DGKZ: variants seen among roughly 807,000 people sequenced by gnomAD.
DGKZ encodes DAG kinase zeta.
Under a neutral mutation model 142.5 loss-of-function variants are expected in DGKZ, and 45 were observed. That is an observed-to-expected ratio of 0.32 (90% CI 0.25 to 0.40). The LOEUF is 0.40. Ranked by LOEUF, DGKZ falls within the 10% of genes least tolerant of loss-of-function variation. The pLI, the probability that DGKZ is intolerant of heterozygous loss-of-function variation, is 1.00. For synonymous variants in DGKZ, 442 were observed against 527.0 expected (o/e 0.84, Z 2.21); for missense variants, 755 against 1,306.5 (o/e 0.58, Z 6.51).
At chr11:46,369,123 C>G (rs1943655591) in intron 4 of DGKZ, 2 of 317,862 alleles carry the variant, frequency 6.3e-6, no homozygotes, top group South Asian at 5.3e-5. Context: ...TTGCAGTGAG[C>G]CGAGATCGCA....
At chr11:46,345,383 G>A (rs902597406), upstream of DGKZ, 22 of 1,405,532 alleles carry the variant, frequency 1.6e-5, no homozygotes, top group South Asian at 7.8e-5. This position sits in a 1 kb window ranked among gnomAD's most constrained non-coding sequence, Gnocchi z 4.1. Flanking sequence ...AGGAAGTGCC[G>A]AAAGAGGAAG....
chr11:46,348,589 C>T (rs1940965651), intron 1 of DGKZ, among the ~76,000 whole-genome samples: 2 of 152,158 alleles, frequency 1.3e-5, no homozygotes, highest in Admixed American at 6.5e-5. Flanking sequence ...TTGCCCCCTC[C>T]CCCAGCACTC....
intron 1 of DGKZ, chr11:46,366,696 G>T: frequency 6.4e-7 from 1 of 1,566,214 alleles, no homozygotes; most frequent in East Asian, 2.4e-5. Context: ...CCCCCACCTC[G>T]GGGCGCCCAG....
rs774486482 is a variant in DGKZ at position 46,378,612 on chromosome 11, C to T, written c.2418+112C>T. On this transcript the variant is annotated intron_variant, in intron 27 of 30. Coordinates refer to ENST00000527911, the Ensembl canonical transcript of DGKZ. ...CTGCTCAGGTGCTGTCATCTGTCAT[C>T]GTCTGGCCCTCTGTGGGATCTCCAG... The T allele has an allele frequency of 3.9e-5, 55 of 1,409,320 alleles. No homozygotes were observed. In the South Asian group the frequency reaches 5.6e-4, roughly 14 times the overall value. 87.3% of individuals were successfully genotyped at this position (1,409,320 alleles called of 1,614,324 possible). A position where few individuals can be genotyped will look rare whatever the true frequency, so the allele number is the denominator to read the frequency against.
chr11:46,363,455 G>A (rs1257753111), intron 1 of DGKZ, among the ~76,000 whole-genome samples: 1 of 152,230 alleles, frequency 6.6e-6, no homozygotes, highest in Non-Finnish European at 1.5e-5. Flanking sequence ...ACCCCACTCT[G>A]CTGGGAGGGG....
intron 19 of DGKZ, 68 bp from the exon 20 acceptor site, chr11:46,375,364 G>T: frequency 6.8e-7 from 1 of 1,474,970 alleles, no homozygotes; most frequent in South Asian, 1.3e-5. Context: ...GCTTCGGAAG[G>T]AGCAGAGTCT....
rs147914091 is a variant in DGKZ, at chr11:46,372,840, C to T, written c.1141C>T (p.Leu381=). Residue 381 remains leucine (L), a synonymous_variant, in exon 13 of 31, where the codon CTG becomes TTG. Transcript: ENST00000527911. The surrounding 1 kb of genome is among the most constrained non-coding windows in gnomAD (Gnocchi z 5.9). ...GCCACCCCCTGTTGCCATCCTGCCCCTGGGTACTGGCAACGACTTGGCCCG... is the reference window on the plus strand; with the variant it reads ...GCCACCCCCTGTTGCCATCCTGCCCTTGGGTACTGGCAACGACTTGGCCCG... The T allele has an allele frequency of 9.0e-5, 144 of 1,600,346 alleles. No individual in the cohort carries two copies. Among genetic ancestry groups the T allele is most frequent in the Non-Finnish European group, 1.2e-4 (140 of 1,173,572 alleles).
In DGKZ at chr11:46,349,200, G is replaced by T. The variant is rs1050682022; in HGVS notation, c.161+1380G>T. Among the ~76,000 whole-genome samples the T allele has an allele frequency of 1.1e-4, 16 of 152,312 alleles. No homozygotes were observed. In the South Asian group the frequency reaches 2.3e-3, roughly 22 times the overall value. On this transcript the variant is annotated intron_variant, in intron 1 of 30. Coordinates refer to ENST00000527911, the Ensembl canonical transcript of DGKZ. ...GCTCCGTGGGCTCCTGTGTTACCAC[G>T]CAGGCTTCAATGTCATATAAAACAG...
At chr11:46,376,985 C>A in intron 24 of DGKZ, 88 bp from the exon 25 acceptor site, 1 of 1,221,232 alleles carries the variant, frequency 8.2e-7, no homozygotes, top group Non-Finnish European at 1.2e-6. Flanking sequence ...GTGCTCATGG[C>A]AGAGGCTTCT....
chr11:46,373,472 CT>C (rs201577940), intron 14 of DGKZ, among the ~76,000 whole-genome samples: 8,868 of 136,934 alleles, frequency 0.065, 351 homozygotes, highest in Non-Finnish European at 0.094. Context: ...TTTCTGTTTT[CT>C]TTTTTTTTTC....
At chr11:46,341,608 G>A (rs151016913) in intron 1 of DGKZ, among the ~76,000 whole-genome samples, 7 of 152,322 alleles carry the variant, frequency 4.6e-5, no homozygotes, top group African/African-American at 1.7e-4. Context: ...GGTAATGACT[G>A]GCCCACAGTC....
Position 46,368,210 on chromosome 11 carries a change from G to A in DGKZ, c.444+131G>A, listed in dbSNP as rs866903290. On this transcript the variant is annotated intron_variant, in intron 4 of 30. Coordinates refer to ENST00000527911, the Ensembl canonical transcript of DGKZ. Reference sequence around the variant, plus strand: ...CCAGCACTCGGGGGTGAAGAGTCAAGGACCCTGGAGCCAAATGCCTGCGTT... The same window carrying A: ...CCAGCACTCGGGGGTGAAGAGTCAAAGACCCTGGAGCCAAATGCCTGCGTT... 5 of 925,414 alleles carry A rather than the reference G, an allele frequency of 5.4e-6. No homozygotes were observed. The Middle Eastern group carries it at 8.4e-4, about 155-fold the overall frequency. 57.3% of individuals were successfully genotyped at this position (925,414 alleles called of 1,614,324 possible).
chr11:46,374,485 C>A, intron 16 of DGKZ, 31 bp downstream of exon 16: 1 of 1,613,906 alleles, frequency 6.2e-7, no homozygotes, highest in South Asian at 1.1e-5. Context: ...CGCCTGTGCC[C>A]ACCTCTTCTA....
intron 22 of DGKZ, 26 bp from the exon 23 acceptor site, chr11:46,376,302 A>T: frequency 6.2e-7 from 1 of 1,613,616 alleles, no homozygotes; most frequent in South Asian, 1.1e-5. Flanking sequence ...ACTCTATCCC[A>T]GCCTGGCCTT....
rs1476822662 is a variant in DGKZ at position 46,366,433 on chromosome 11, C to T, written c.162-858C>T. Reference sequence around the variant, plus strand: ...GCTCCAGCGCCCAGCTCCAGGGCTGCCTCCTGAGTTGCGGGGTGAGGGCCC... The same window carrying T: ...GCTCCAGCGCCCAGCTCCAGGGCTGTCTCCTGAGTTGCGGGGTGAGGGCCC... On this transcript the variant is annotated intron_variant, in intron 1 of 30. Coordinates refer to ENST00000527911, the Ensembl canonical transcript of DGKZ. 8.4e-6 allele frequency: 13 copies of T among 1,545,426 alleles called. No homozygotes were observed. In the East Asian group the frequency reaches 3.1e-4, roughly 37 times the overall value.
intron 1 of DGKZ, chr11:46,364,385 C>T (rs1206812685): frequency 4.7e-6 from 6 of 1,289,094 alleles, no homozygotes; most frequent in South Asian, 2.5e-5. Flanking sequence ...AAATGTCAGC[C>T]GTGACACTGG....
rs1943238633 is a variant in DGKZ, at chr11:46,366,279, A to G, written c.162-1012A>G. On this transcript the variant is annotated intron_variant, in intron 1 of 30. Transcript: ENST00000527911. ...GCCATGGAGACTTTCTTTAGGAGACATTTCCGGGGGAAGGTGCCAGGCCCT... is the reference window on the plus strand; with the variant it reads ...GCCATGGAGACTTTCTTTAGGAGACGTTTCCGGGGGAAGGTGCCAGGCCCT... 6.3e-7 allele frequency: 1 copy of G among 1,582,396 alleles called. No homozygotes were observed. The highest frequency in any genetic ancestry group is 1.4e-5 in the African/African-American group (1 of 73,454).
chr11:46,349,355 C>T (rs1941080198), intron 1 of DGKZ, among the ~76,000 whole-genome samples: 1 of 152,194 alleles, frequency 6.6e-6, no homozygotes, highest in Admixed American at 6.5e-5. Flanking sequence ...GGAGGGGCGC[C>T]ACCAGAGGCT....
chr11:46,379,057 C>G (rs964305814), exon 28 of DGKZ: 1 of 1,599,406 alleles, frequency 6.3e-7, no homozygotes, highest in Non-Finnish European at 8.5e-7. Flanking sequence ...CACGCTCCTG[C>G]ACCACGCAGT....
Sources: allele counts gnomAD v4.1 joint callset (sites outside exome capture counted in the v4.1 genomes callset), GRCh38; gene constraint gnomAD v4.1.1; non-coding constraint Gnocchi (gnomAD v3.1); transcripts MANE v1.5; gene names NCBI Gene and HGNC (gene_info 2026-07-23, HGNC 2026-07-21).